Variants in ASPH observed in about 807,000 individuals in gnomAD.
ASPH encodes the protein aspartate beta-hydroxylase, also known as aspartyl/asparaginyl beta-hydroxylase.
A neutral mutation model predicts 118.4 loss-of-function variants in ASPH; 100 were observed. The ratio of observed to expected loss-of-function variants is 0.84; its 90% CI spans 0.72 to 1.00. The LOEUF (loss-of-function observed/expected upper bound fraction) is 1.00, where lower values mean the gene tolerates loss of function less well. Ranked by LOEUF, ASPH falls within the 50% of genes least tolerant of loss-of-function variation. The pLI is 0.00. For synonymous variants in ASPH, 315 were observed against 325.6 expected (o/e 0.97, Z 0.35); for missense variants, 920 against 919.5 (o/e 1.00, Z -0.01).
At chr8:61,656,491 C>T (rs1470242092) in intron 3 of ASPH, 1 of 152,146 alleles carries the variant, frequency 6.6e-6, no homozygotes, top group Non-Finnish European at 1.5e-5. Flanking sequence ...CAGCAGTCTC[C>T]CTTTTCAGTG....
chr8:61,604,312 G>C (rs998458587), intron 14 of ASPH, among the ~76,000 whole-genome samples: 2 of 152,162 alleles, frequency 1.3e-5, no homozygotes, highest in African/African-American at 4.8e-5. Flanking sequence ...TACAGAAAGA[G>C]AGAGAAATGG....
intron 14 of ASPH, among the ~76,000 whole-genome samples, chr8:61,618,504 T>C (rs1481980210): frequency 2.0e-5 from 3 of 152,226 alleles, no homozygotes; most frequent in Non-Finnish European, 4.4e-5. Context: ...AAAGATATCA[T>C]GTTCTAGGAA....
intron 3 of ASPH, among the ~76,000 whole-genome samples, chr8:61,672,676 T>C (rs1483505238): frequency 6.6e-6 from 1 of 152,148 alleles, no homozygotes; most frequent in Non-Finnish European, 1.5e-5. Context: ...GAAGATCTGG[T>C]TCCTAGTTTC....
intron 3 of ASPH, among the ~76,000 whole-genome samples, chr8:61,655,398 G>A (rs1003534807): frequency 5.3e-5 from 8 of 152,156 alleles, no homozygotes; most frequent in African/African-American, 1.9e-4. Context: ...GTTTATGTCT[G>A]CTGTCCTGAG....
chr8:61,543,861 T>C (rs943177187), intron 21 of ASPH, among the ~76,000 whole-genome samples: 5 of 152,234 alleles, frequency 3.3e-5, no homozygotes, highest in African/African-American at 1.2e-4. Flanking sequence ...CTATTGCCTG[T>C]AGCCTTACCT....
intron 21 of ASPH, among the ~76,000 whole-genome samples, chr8:61,542,585 T>C (rs1822336844): frequency 6.6e-6 from 1 of 152,204 alleles, no homozygotes; most frequent in African/African-American, 2.4e-5. Context: ...CAATACATAT[T>C]ACATTTATTG....
chr8:61,564,084 G>C (rs1050158545), intron 17 of ASPH, among the ~76,000 whole-genome samples: 1 of 152,174 alleles, frequency 6.6e-6, no homozygotes, highest in Admixed American at 6.5e-5. Context: ...GGTGAGGCCA[G>C]AGAGGCACTC....
rs1811539819 is a variant in ASPH, at chr8:61,518,029, T to C, written c.1992+3A>G. 3 of 1,610,674 alleles carry C rather than the reference T, an allele frequency of 1.9e-6. No homozygotes were observed. Among genetic ancestry groups the C allele is most frequent in the Non-Finnish European group, 2.5e-6 (3 of 1,177,026 alleles). Reference sequence around the variant, plus strand: ...ATTCTCCCCAGCACGACACTCTTGGTACCTGTCCTCTTCTGCATCCTGTTG... The same window carrying C: ...ATTCTCCCCAGCACGACACTCTTGGCACCTGTCCTCTTCTGCATCCTGTTG... On this transcript the variant is annotated splice_donor_region_variant and intron_variant, in intron 23 of 24. Transcript: ENST00000379454.
In ASPH at chr8:61,578,354, C is replaced by G. The variant is rs1313916077; in HGVS notation, c.1063-1496G>C. The G allele has an allele frequency of 1.9e-6, 3 of 1,607,030 alleles. No individual in the cohort carries two copies. In the African/African-American group the frequency reaches 4.0e-5, roughly 21 times the overall value. On this transcript the variant is annotated intron_variant, in intron 15 of 24. Coordinates refer to ENST00000379454, the MANE Select transcript of ASPH (RefSeq NM_004318.4). Reference sequence around the variant, plus strand: ...GCTTCTCCTGAGTGGGCAGCAGCAGCTTTCGGGGTGGCCTGGGAGGCGGCT... The same window carrying G: ...GCTTCTCCTGAGTGGGCAGCAGCAGGTTTCGGGGTGGCCTGGGAGGCGGCT...
intron 21 of ASPH, among the ~76,000 whole-genome samples, chr8:61,543,987 G>T (rs558418947): frequency 6.6e-6 from 1 of 152,336 alleles, no homozygotes; most frequent in South Asian, 2.1e-4. Flanking sequence ...ACAATGTCCT[G>T]AGAATGCAGC....
chr8:61,517,128 A>G (rs76524938), intron 24 of ASPH: 14,613 of 165,054 alleles, frequency 0.089, 746 homozygotes, highest in Non-Finnish European at 0.12. Context: ...TATAAATATC[A>G]TGGGGTGAGT....
At chr8:61,621,781 T>C (rs781404493) in intron 13 of ASPH, among the ~76,000 whole-genome samples, 3 of 152,250 alleles carry the variant, frequency 2.0e-5, no homozygotes, top group Non-Finnish European at 2.9e-5. Flanking sequence ...ATCCCAGTAA[T>C]GGGGAATTCA....
intron 21 of ASPH, among the ~76,000 whole-genome samples, chr8:61,541,555 T>C (rs971307137): frequency 2.6e-5 from 4 of 152,202 alleles, no homozygotes; most frequent in African/African-American, 7.2e-5. Context: ...AAAATTACAA[T>C]AGAAGAATAT....
At chr8:61,637,420 CTG>C (rs1377177704) in intron 12 of ASPH, among the ~76,000 whole-genome samples, 1 of 152,126 alleles carries the variant, frequency 6.6e-6, no homozygotes, top group Admixed American at 6.6e-5. Context: ...TGTGAAATAA[CTG>C]TAAAATGCTA....
intron 24 of ASPH, among the ~76,000 whole-genome samples, chr8:61,511,897 C>T (rs1300230814): frequency 6.6e-6 from 1 of 152,160 alleles, no homozygotes; most frequent in Non-Finnish European, 1.5e-5. Context: ...AGCCACCACA[C>T]CCGGCTCTAA....
At chr8:61,673,609 G>A (rs1823720320) in intron 3 of ASPH, among the ~76,000 whole-genome samples, 1 of 152,074 alleles carries the variant, frequency 6.6e-6, no homozygotes, top group Non-Finnish European at 1.5e-5. Flanking sequence ...ATATGATTTT[G>A]CCTTAATTTA....
chr8:61,624,665 G>A lies in ASPH; in HGVS notation c.935-5646C>T, dbSNP rs1047654560. 6 of 985,270 alleles carry A rather than the reference G, an allele frequency of 6.1e-6. No homozygotes were observed. The African/African-American group carries it at 1.0e-4, about 17-fold the overall frequency. The allele number at this position is 985,270 out of a possible 1,614,324, so 61.0% of individuals were successfully genotyped here. A position where few individuals can be genotyped will look rare whatever the true frequency, so the allele number is the denominator to read the frequency against. On this transcript the variant is annotated intron_variant, in intron 13 of 24. Transcript: ENST00000379454. ...CAAGGCTCATTAATTCAGATATTTG[G>A]AATTCAAAAATATTTAAAGTTAACC...
chr8:61,657,225 CT>C (rs1814199601), intron 3 of ASPH: 2 of 152,118 alleles, frequency 1.3e-5, no homozygotes, highest in Non-Finnish European at 1.5e-5. Context: ...AGGGATGTGG[CT>C]ATGTAAGTTA....
At chr8:61,654,227 C>CT (rs1460128880) in intron 3 of ASPH, among the ~76,000 whole-genome samples, 1 of 152,226 alleles carries the variant, frequency 6.6e-6, no homozygotes, top group East Asian at 1.9e-4. Flanking sequence ...GTTCTTCTCC[C>CT]TTTTACAAGT....
Sources: gnomAD v4.1 joint callset for allele counts (sites outside exome capture counted in the v4.1 genomes callset) on GRCh38, gnomAD v4.1.1 for gene constraint, MANE v1.5 for transcripts, NCBI Gene and HGNC (gene_info 2026-07-23, HGNC 2026-07-21) for gene names.